Variants in ANKFN1 observed in about 807,000 individuals in gnomAD.
ANKFN1 encodes ankyrin repeat and fibronectin type III domain containing 1.
A neutral mutation model predicts 108.7 loss-of-function variants in ANKFN1; 74 were observed. That is an observed-to-expected ratio of 0.68 (90% confidence interval 0.56 to 0.83). ANKFN1 has a LOEUF of 0.83. ANKFN1 is among the 40% of genes least tolerant of loss of function. The pLI is 0.00. For synonymous variants in ANKFN1, 547 were observed against 516.2 expected (o/e 1.06, Z -0.81); for missense variants, 1,505 against 1,382.3 (o/e 1.09, Z -1.41).
chr17:56,124,222 A>ACATAATT (rs1161086727), intron 4 of ANKFN1, among the ~76,000 whole-genome samples: 1 of 152,180 alleles, frequency 6.6e-6, no homozygotes, highest in East Asian at 1.9e-4. Context: ...TCTAAATTCT[A>ACATAATT]CATAATTTTC....
At chr17:56,439,597 G>A (rs2049034342) in intron 8 of ANKFN1, among the ~76,000 whole-genome samples, 2 of 151,926 alleles carry the variant, frequency 1.3e-5, no homozygotes, top group African/African-American at 2.4e-5. Context: ...CTTTTCCAAT[G>A]AAAAGGCTTG....
intron 3 of ANKFN1, among the ~76,000 whole-genome samples, chr17:56,239,152 A>G (rs1917389607): frequency 6.6e-6 from 1 of 152,126 alleles, no homozygotes; most frequent in Non-Finnish European, 1.5e-5. Flanking sequence ...GAGAATGGGG[A>G]GGAGAGGATT....
intron 6 of ANKFN1, among the ~76,000 whole-genome samples, chr17:56,356,456 T>C (rs1281773351): frequency 6.6e-6 from 1 of 152,208 alleles, no homozygotes; most frequent in Non-Finnish European, 1.5e-5. Context: ...GTCACATCTC[T>C]GCTCCTAAAT....
intron 10 of ANKFN1, among the ~76,000 whole-genome samples, chr17:56,443,558 C>T (rs1381643934): frequency 6.6e-6 from 1 of 152,092 alleles, no homozygotes. Context: ...TCCACATCGA[C>T]CTGATAAGAA....
intron 8 of ANKFN1, among the ~76,000 whole-genome samples, chr17:56,393,508 TAC>T (rs1353328084): frequency 1.3e-5 from 2 of 152,222 alleles, no homozygotes; most frequent in Non-Finnish European, 2.9e-5. Flanking sequence ...AAAAAGAAAT[TAC>T]ACCTCATTAA....
At chr17:56,461,898 T>G (rs1283227667) in intron 14 of ANKFN1, among the ~76,000 whole-genome samples, 3 of 152,082 alleles carry the variant, frequency 2.0e-5, no homozygotes, top group Non-Finnish European at 2.9e-5. Context: ...ATCACAGAAA[T>G]GTTTTGTAGT....
chr17:56,364,465 T>A (rs1342482030), intron 6 of ANKFN1, among the ~76,000 whole-genome samples: 5 of 152,252 alleles, frequency 3.3e-5, no homozygotes, highest in African/African-American at 1.2e-4. Flanking sequence ...TAGGAAATTT[T>A]AAATGATGTG....
chr17:56,380,757 T>A (rs1310057030), intron 8 of ANKFN1, among the ~76,000 whole-genome samples: 1 of 152,214 alleles, frequency 6.6e-6, no homozygotes, highest in Non-Finnish European at 1.5e-5. Context: ...TTGCCCAGGC[T>A]TGCTTAGGTA....
chr17:56,445,406 G>C (rs1434558302), intron 10 of ANKFN1, among the ~76,000 whole-genome samples: 1 of 152,238 alleles, frequency 6.6e-6, no homozygotes, highest in Non-Finnish European at 1.5e-5. Flanking sequence ...GACCAGAATA[G>C]TTAGTTGTTC....
At chr17:56,117,805 A>T (rs1453116768) in intron 4 of ANKFN1, among the ~76,000 whole-genome samples, 4 of 152,152 alleles carry the variant, frequency 2.6e-5, no homozygotes, top group Admixed American at 6.5e-5. Context: ...TCATAAAGTT[A>T]TGCAACCATC....
intron 4 of ANKFN1, among the ~76,000 whole-genome samples, chr17:56,078,006 G>A (rs963135723): frequency 6.6e-6 from 1 of 152,090 alleles, no homozygotes; most frequent in East Asian, 1.9e-4. Flanking sequence ...GGTATGCCGT[G>A]GAGATTCTAG....
chr17:56,395,779 G>A (rs954026502), intron 8 of ANKFN1, among the ~76,000 whole-genome samples: 21 of 152,096 alleles, frequency 1.4e-4, no homozygotes, highest in African/African-American at 5.1e-4. Flanking sequence ...AACCCGGAAG[G>A]TGGAGGTTGC....
At chr17:56,236,123 T>C (rs958686163) in intron 3 of ANKFN1, among the ~76,000 whole-genome samples, 3 of 152,188 alleles carry the variant, frequency 2.0e-5, no homozygotes, top group Admixed American at 2.0e-4. Flanking sequence ...AGTGGCATGA[T>C]CTTGGCTCAC....
At chr17:56,379,401 GAA>G (rs760606804) in intron 8 of ANKFN1, among the ~76,000 whole-genome samples, 7 of 90,624 alleles carry the variant, frequency 7.7e-5, no homozygotes, top group Admixed American at 1.2e-4. Flanking sequence ...TCCATCTCAA[GAA>G]AAAAAAAAAA....
At chr17:56,473,154 T>C (rs1243421049) in intron 15 of ANKFN1, 1 of 152,112 alleles carries the variant, frequency 6.6e-6, no homozygotes, top group Non-Finnish European at 1.5e-5. Context: ...GACTGATACA[T>C]AGTAAGTGCT....
intron 10 of ANKFN1, among the ~76,000 whole-genome samples, chr17:56,447,097 C>G (rs573870122): frequency 1.3e-5 from 2 of 152,204 alleles, no homozygotes; most frequent in South Asian, 4.1e-4. Context: ...CTGGCACACA[C>G]CTGTAGTCCT....
Position 56,457,354 on chromosome 17 carries a change from A to T in ANKFN1, c.1405A>T (p.Ser469Cys), listed in dbSNP as rs1176192803. 1.5e-5 allele frequency: 24 copies of T among 1,605,874 alleles called. No homozygotes were observed. The highest frequency in any genetic ancestry group is 2.0e-5 in the Non-Finnish European group (24 of 1,178,070). Residue 469 changes from serine (S) to cysteine (C), a missense_variant, in exon 13 of 21, where the codon AGT becomes TGT. Transcript: ENST00000682825. The stretch of plus-strand genomic sequence containing the variant: ...TGTTGAAATAGATGACTCTCACACC[A>T]GTTCTATTACACAAGATTTTCTGTG... Reference protein sequence around the residue: ...PIVEIDDSHTSSITQDFLWFT... With the variant: ...PIVEIDDSHTCSITQDFLWFT...
chr17:56,500,398 AC>A (rs35364227), intron 20 of ANKFN1, among the ~76,000 whole-genome samples: 64,717 of 152,020 alleles, frequency 0.43, 16,893 homozygotes, highest in East Asian at 0.63. Context: ...TTACCAAATA[AC>A]AAAATATTTA....
intron 4 of ANKFN1, among the ~76,000 whole-genome samples, chr17:56,113,022 A>G (rs1906059886): frequency 1.3e-5 from 2 of 152,242 alleles, no homozygotes; most frequent in African/African-American, 2.4e-5. Context: ...GCTAAATCGT[A>G]TATGCAACTT....
Sources: allele counts gnomAD v4.1 joint callset (sites outside exome capture counted in the v4.1 genomes callset), GRCh38; gene constraint gnomAD v4.1.1; transcripts MANE v1.5; gene names NCBI Gene and HGNC (gene_info 2026-07-23, HGNC 2026-07-21).